The following PDE4D variants were observed in gnomAD, a reference collection of about 807,000 sequenced individuals.
The protein encoded by PDE4D is phosphodiesterase 4D, also known as 3',5'-cyclic-AMP phosphodiesterase 4D.
Under a neutral mutation model 87.4 loss-of-function variants are expected in PDE4D, and 24 were observed. That is an observed-to-expected ratio of 0.27 (90% CI 0.20 to 0.39). PDE4D has a LOEUF of 0.39. Among genes scored for constraint, PDE4D ranks in the 10% least tolerant of loss-of-function variants. The probability of loss-of-function intolerance (pLI) is 1.00; values close to 1 mark genes in which losing one functional copy is unlikely to be tolerated. For synonymous variants in PDE4D, 384 were observed against 383.2 expected (o/e 1.00, Z -0.02); for missense variants, 714 against 1,041.0 (o/e 0.69, Z 4.32).
chr5:60,240,474 C>T (rs1049072654), intron 1 of PDE4D, among the ~76,000 whole-genome samples: 1 of 152,116 alleles, frequency 6.6e-6, no homozygotes, highest in African/African-American at 2.4e-5. Flanking sequence ...GCTGCATTCA[C>T]CACAAGCTGA....
At chr5:59,707,812 G>T (rs1457376800) in intron 1 of PDE4D, among the ~76,000 whole-genome samples, 1 of 152,040 alleles carries the variant, frequency 6.6e-6, no homozygotes, top group Non-Finnish European at 1.5e-5. Context: ...TGGCTGCATG[G>T]TATCCCATGG....
chr5:59,222,228 G>C (rs560282737), intron 1 of PDE4D, among the ~76,000 whole-genome samples: 2 of 152,126 alleles, frequency 1.3e-5, no homozygotes, highest in Non-Finnish European at 2.9e-5. Context: ...TCAACTGCTC[G>C]CATACTTTGT....
chr5:59,858,095 T>C (rs551042002), intron 1 of PDE4D, among the ~76,000 whole-genome samples: 1 of 152,210 alleles, frequency 6.6e-6, no homozygotes, highest in East Asian at 1.9e-4. Flanking sequence ...TGGGACTCTT[T>C]CTATGCAAAG....
intron 1 of PDE4D, among the ~76,000 whole-genome samples, chr5:59,488,041 C>A (rs1371220497): frequency 6.6e-6 from 1 of 151,982 alleles, no homozygotes; most frequent in Admixed American, 6.6e-5. Flanking sequence ...CTGCAGGGAG[C>A]ATTCCAGAGC....
rs1469389317 is a variant in PDE4D at position 59,263,480 on chromosome 5, TG to T, written c.456-47513del. Among the ~76,000 whole-genome samples, 19 of 151,988 alleles carry T rather than the reference TG, an allele frequency of 1.3e-4. 1 individual carries two copies. Among genetic ancestry groups the T allele is most frequent in the Admixed American group, 4.6e-4 (7 of 15,210 alleles). On this transcript the variant is annotated intron_variant, in intron 1 of 14. Coordinates refer to ENST00000340635, the MANE Select transcript of PDE4D (RefSeq NM_001104631.2). ...GAGGGTGAATCTAAGCAACAGAATT[TG>T]GATATTAAATCATACTAAAATAATT...
At chr5:59,291,423 G>A (rs548169689) in intron 1 of PDE4D, among the ~76,000 whole-genome samples, 1 of 152,078 alleles carries the variant, frequency 6.6e-6, no homozygotes, top group South Asian at 2.1e-4. Flanking sequence ...GTTTCCGGAG[G>A]TTAGGTAGGG....
At chr5:60,474,446 G>T (rs1246953993) in intron 1 of PDE4D, among the ~76,000 whole-genome samples, 2 of 151,900 alleles carry the variant, frequency 1.3e-5, no homozygotes, top group African/African-American at 4.8e-5. Flanking sequence ...ATATGAATTT[G>T]AGAGGGATAC....
intron 5 of PDE4D, among the ~76,000 whole-genome samples, chr5:59,050,006 G>A (rs995207988): frequency 1.3e-5 from 2 of 152,222 alleles, no homozygotes; most frequent in Non-Finnish European, 2.9e-5. Context: ...GCTCATGTCT[G>A]TAATCCCAGC....
chr5:59,446,074 T>A (rs1427485760), intron 1 of PDE4D, among the ~76,000 whole-genome samples: 2 of 152,190 alleles, frequency 1.3e-5, no homozygotes, highest in African/African-American at 4.8e-5. Context: ...GAAAGCGTAA[T>A]GTGAAAATGT....
At chr5:60,252,956 T>C (rs113310656) in intron 1 of PDE4D, among the ~76,000 whole-genome samples, 1,573 of 151,950 alleles carry the variant, frequency 0.01, 28 homozygotes, top group African/African-American at 0.036. Context: ...ACAAACCAGA[T>C]CCCATTTGGT....
intron 1 of PDE4D, among the ~76,000 whole-genome samples, chr5:59,526,387 G>C (rs1381226692): frequency 5.9e-5 from 9 of 152,158 alleles, no homozygotes; most frequent in Admixed American, 5.9e-4. Context: ...CACCATTCCT[G>C]GTGGTTTGAT....
chr5:59,378,416 C>T (rs1294750241), intron 1 of PDE4D, among the ~76,000 whole-genome samples: 1 of 151,772 alleles, frequency 6.6e-6, no homozygotes, highest in Non-Finnish European at 1.5e-5. Flanking sequence ...CACATGTACC[C>T]CTGAACTTAA....
intron 1 of PDE4D, among the ~76,000 whole-genome samples, chr5:60,501,016 A>C (rs1750045873): frequency 6.6e-6 from 1 of 151,956 alleles, no homozygotes; most frequent in Non-Finnish European, 1.5e-5. Context: ...TATTATTATT[A>C]AACTTTAAGT....
chr5:59,476,180 A>G (rs1218134302), intron 1 of PDE4D, among the ~76,000 whole-genome samples: 4 of 152,154 alleles, frequency 2.6e-5, no homozygotes, highest in African/African-American at 7.2e-5. Flanking sequence ...TGCTTATGGA[A>G]AAGCAGCACT....
chr5:60,497,663 C>CA lies in PDE4D; in HGVS notation n.70+24387dup, dbSNP rs1225135914. ...ATGAGACCCTCCCACCTTGGCCTCC[C>CA]AAAGTATTTAGATTACAGTGTGAGT... On this transcript the variant is annotated intron_variant and non_coding_transcript_variant, in intron 1 of 2. Coordinates refer to the PDE4D transcript ENST00000506510. 1.3e-4 allele frequency among the ~76,000 whole-genome samples: 20 copies of CA among 152,236 alleles called. No homozygotes were observed. The East Asian group carries it at 3.5e-3, about 27-fold the overall frequency.
intron 1 of PDE4D, among the ~76,000 whole-genome samples, chr5:60,323,471 C>T (rs1436822892): frequency 6.6e-6 from 1 of 152,150 alleles, no homozygotes; most frequent in Non-Finnish European, 1.5e-5. Context: ...GATACCCCTC[C>T]ACTTCCCTCC....
At chr5:59,260,505 G>C (rs1397243366) in intron 1 of PDE4D, among the ~76,000 whole-genome samples, 2 of 151,782 alleles carry the variant, frequency 1.3e-5, no homozygotes, top group Non-Finnish European at 2.9e-5. Context: ...AATTACGAAA[G>C]CAAATGTGTT....
At chr5:59,144,353 T>C (rs1778320582) in intron 5 of PDE4D, among the ~76,000 whole-genome samples, 2 of 152,182 alleles carry the variant, frequency 1.3e-5, no homozygotes, top group East Asian at 1.9e-4. Flanking sequence ...AGATCCTTTC[T>C]AGCCATCATA....
At chr5:59,655,019 T>C (rs1196302855) in intron 1 of PDE4D, among the ~76,000 whole-genome samples, 1 of 152,178 alleles carries the variant, frequency 6.6e-6, no homozygotes, top group Non-Finnish European at 1.5e-5. Context: ...TGTGAACATT[T>C]GTCTATGTAT....
Sources: gnomAD v4.1 joint callset for allele counts (sites outside exome capture counted in the v4.1 genomes callset) on GRCh38, gnomAD v4.1.1 for gene constraint, MANE v1.5 for transcripts, NCBI Gene and HGNC (gene_info 2026-07-23, HGNC 2026-07-21) for gene names.